The following RTN4 variants were observed in gnomAD, a reference collection of about 807,000 sequenced individuals.
RTN4 encodes the protein reticulon-4.
A neutral mutation model predicts 90.4 loss-of-function variants in RTN4; 32 were observed. The observed-to-expected ratio is 0.35, with a 90% CI of 0.27 to 0.48. The LOEUF (loss-of-function observed/expected upper bound fraction) is 0.48. Among genes scored for constraint, RTN4 ranks in the 20% least tolerant of loss-of-function variants. The pLI, the probability that RTN4 is intolerant of heterozygous loss-of-function variation, is 0.99. For synonymous variants in RTN4, 629 were observed against 552.5 expected (o/e 1.14, Z -1.94); for missense variants, 1,706 against 1,430.2 (o/e 1.19, Z -3.11).
intron 6 of RTN4, among the ~76,000 whole-genome samples, chr2:54,974,452 T>C (rs1677436648): frequency 6.6e-6 from 1 of 152,192 alleles, no homozygotes; most frequent in Non-Finnish European, 1.5e-5. Context: ...GCTAATTTTT[T>C]CTATTTTTAG....
the RTN4 span, among the ~76,000 whole-genome samples, chr2:55,130,535 G>A: frequency 6.6e-6 from 1 of 152,140 alleles, no homozygotes; most frequent in African/African-American, 2.4e-5. Context: ...CAGACTGCTC[G>A]AGCCCAGGAG....
chr2:55,123,721 TCG>T, the RTN4 span, among the ~76,000 whole-genome samples: 1 of 152,024 alleles, frequency 6.6e-6, no homozygotes. Context: ...ATATTGTTAC[TCG>T]TGTAACACTA....
intron 1 of RTN4, among the ~76,000 whole-genome samples, chr2:55,032,996 C>A (rs1682431027): frequency 6.6e-6 from 1 of 151,278 alleles, no homozygotes; most frequent in Non-Finnish European, 1.5e-5. Flanking sequence ...CCACTGCACT[C>A]CACCCTGGAC....
chr2:55,050,290 A>T lies in RTN4; in HGVS notation c.11T>A (p.Leu4Gln), dbSNP rs1449550475. Residue 4 changes from leucine to glutamine, a missense_variant, in exon 1 of 9, where the codon CTG becomes CAG. By Grantham distance (113) the Leu-to-Gln change is moderately radical (BLOSUM62 -2). Coordinates refer to ENST00000337526, the MANE Select transcript of RTN4 (RefSeq NM_020532.5). The surrounding 1 kb of genome is among the most constrained non-coding windows in gnomAD (Gnocchi z 4.6). MED[L>Q]DQSPLVSSSD... ...GGACGAGACCAGAGGAGACTGGTCC[A>T]GGTCTTCCATGGCTGGAGGGTGGAG... 1.4e-6 allele frequency: 2 copies of T among 1,447,158 alleles called. No individual in the cohort carries two copies. The highest frequency in any genetic ancestry group is 1.5e-5 in the South Asian group (1 of 67,726). The allele number at this position is 1,447,158 out of a possible 1,614,324, so 89.6% of individuals were successfully genotyped here.
At chr2:55,038,286 CA>C (rs1363843060) in intron 1 of RTN4, among the ~76,000 whole-genome samples, 2 of 151,928 alleles carry the variant, frequency 1.3e-5, no homozygotes, top group East Asian at 3.9e-4. Flanking sequence ...TATGACTTCT[CA>C]AAATTAAAAA....
the RTN4 span, among the ~76,000 whole-genome samples, chr2:55,126,028 T>TC: frequency 7.7e-6 from 1 of 129,700 alleles, no homozygotes; most frequent in Non-Finnish European, 1.5e-5. Context: ...GCCACTGCAC[T>TC]CCAGCCTGGG....
At chr2:54,995,265 A>C (rs1679328393) in intron 3 of RTN4, among the ~76,000 whole-genome samples, 1 of 152,128 alleles carries the variant, frequency 6.6e-6, no homozygotes, top group Admixed American at 6.5e-5. Context: ...ATCTAAATAA[A>C]GACTCAAAAC....
chr2:55,034,510 C>G (rs936993636), intron 1 of RTN4, among the ~76,000 whole-genome samples: 5 of 151,988 alleles, frequency 3.3e-5, no homozygotes, highest in African/African-American at 1.2e-4. Flanking sequence ...TCTAAACGAA[C>G]AAACAAAATA....
chr2:55,067,260 G>A (rs978138831), intron 2 of RTN4, among the ~76,000 whole-genome samples: 1 of 152,106 alleles, frequency 6.6e-6, no homozygotes, highest in African/African-American at 2.4e-5. Context: ...TGACCTGCAG[G>A]ATTGCTCAAA....
intron 1 of RTN4, among the ~76,000 whole-genome samples, chr2:55,039,207 T>C (rs1285968091): frequency 6.6e-6 from 1 of 152,190 alleles, no homozygotes; most frequent in South Asian, 2.1e-4. Flanking sequence ...TAAACTAATG[T>C]ACGCATTTGT....
intron 2 of RTN4, among the ~76,000 whole-genome samples, chr2:55,075,283 C>T (rs1242614012): frequency 1.3e-5 from 2 of 152,114 alleles, no homozygotes; most frequent in Non-Finnish European, 1.5e-5. Flanking sequence ...ACACCAACAG[C>T]GACCAAGCTG....
At chr2:55,132,813 C>CA in the RTN4 span, among the ~76,000 whole-genome samples, 16,343 of 115,966 alleles carry the variant, frequency 0.14, 1,331 homozygotes, top group East Asian at 0.29. Flanking sequence ...GACCGTCTCT[C>CA]AAAAAAAAAA....
At chr2:55,000,020 A>C (rs1159856319) in intron 3 of RTN4, among the ~76,000 whole-genome samples, 1 of 152,196 alleles carries the variant, frequency 6.6e-6, no homozygotes, top group Non-Finnish European at 1.5e-5. Context: ...TTAGAAAAAT[A>C]ATACCCACCC....
intron 1 of RTN4, among the ~76,000 whole-genome samples, chr2:55,088,551 G>A (rs1203771544): frequency 6.6e-6 from 1 of 152,186 alleles, no homozygotes; most frequent in Admixed American, 6.5e-5. Flanking sequence ...ACATACAGAT[G>A]TATTCATATG....
chr2:55,113,118 C>G (rs1289596678), upstream of RTN4, among the ~76,000 whole-genome samples: 1 of 152,170 alleles, frequency 6.6e-6, no homozygotes, highest in Non-Finnish European at 1.5e-5. Context: ...AGACCGTGAC[C>G]TGACATTAAG....
intron 3 of RTN4, among the ~76,000 whole-genome samples, chr2:54,989,801 G>A (rs537467236): frequency 1.3e-5 from 2 of 152,314 alleles, no homozygotes; most frequent in East Asian, 3.9e-4. Context: ...ACTGAGCTGG[G>A]TCTTGAAGAA....
rs1207454574 is a variant in RTN4 at position 54,972,531 on chromosome 2, T to C, written c.*625A>G. On this transcript the variant is annotated 3_prime_UTR_variant, in exon 9 of 9. Transcript: ENST00000337526. Reference sequence around the variant, plus strand: ...TTTGGAACTACACATGTATAACCAATGACTGACTCTGAAATATCAAGCACT... The same window carrying C: ...TTTGGAACTACACATGTATAACCAACGACTGACTCTGAAATATCAAGCACT... 6.6e-6 allele frequency: 1 copy of C among 152,640 alleles called. No individual in the cohort carries two copies. The highest frequency in any genetic ancestry group is 1.5e-5 in the Non-Finnish European group (1 of 68,042). The allele number at this position is 152,640 out of a possible 1,614,324, so 9.5% of individuals were successfully genotyped here.
At chr2:55,056,733 T>C (rs1276926435) in intron 2 of RTN4, among the ~76,000 whole-genome samples, 2 of 152,154 alleles carry the variant, frequency 1.3e-5, no homozygotes, top group Non-Finnish European at 2.9e-5. Flanking sequence ...ATTTAAAAAG[T>C]ATTTAATTTA....
the RTN4 span, among the ~76,000 whole-genome samples, chr2:55,132,320 G>A: frequency 3.3e-5 from 5 of 150,942 alleles, no homozygotes; most frequent in Non-Finnish European, 5.9e-5. Context: ...CTGGCCAACA[G>A]GGCGAAACCC....
Sources: gnomAD v4.1 joint callset for allele counts (sites outside exome capture counted in the v4.1 genomes callset) on GRCh38, gnomAD v4.1.1 for gene constraint, Gnocchi (gnomAD v3.1) non-coding constraint, MANE v1.5 for transcripts, NCBI Gene and HGNC (gene_info 2026-07-23, HGNC 2026-07-21) for gene names.